The following PROM1 variants were observed in gnomAD, a reference collection of about 807,000 sequenced individuals.
PROM1 encodes the protein prominin 1, also known as prominin-1.
A neutral mutation model predicts 116.9 loss-of-function variants in PROM1; 105 were observed. The observed-to-expected ratio is 0.90, with a 90% CI of 0.77 to 1.06. PROM1 has a LOEUF of 1.06. Ranked by LOEUF, PROM1 falls within the 50% of genes least tolerant of loss-of-function variation. The pLI is 0.00. For synonymous variants in PROM1, 393 were observed against 387.0 expected (o/e 1.02, Z -0.18); for missense variants, 1,122 against 1,045.2 (o/e 1.07, Z -1.01).
rs60492380 is a variant in PROM1 at position 16,033,586 on chromosome 4, C to CT, written c.304-78dup. 43,030 of 268,446 alleles carry CT rather than the reference C, an allele frequency of 0.16. 1,450 individuals are homozygous for CT. Among genetic ancestry groups the CT allele is most frequent in the East Asian group, 0.19 (2,257 of 11,948 alleles). 16.6% of individuals were successfully genotyped at this position (268,446 alleles called of 1,614,324 possible). On this transcript the variant is annotated intron_variant, in intron 4 of 27. Coordinates refer to ENST00000447510, the MANE Select transcript of PROM1 (RefSeq NM_006017.3). Reference sequence around the variant, plus strand: ...AGAACATTCCATGGTGTACAAAGTTCTTTTTTTTTTTTTTTTTTTTTGAGA... The same window carrying CT: ...AGAACATTCCATGGTGTACAAAGTTCTTTTTTTTTTTTTTTTTTTTTTGAGA...
At chr4:16,055,318 T>C in intron 2 of PROM1, 1 of 452,636 alleles carries the variant, frequency 2.2e-6, no homozygotes, top group Non-Finnish European at 4.4e-6. Context: ...GAGGATCACT[T>C]GTGTGCTGAG....
intron 1 of PROM1, chr4:16,082,476 C>T (rs1464453405): frequency 6.6e-6 from 1 of 152,222 alleles, no homozygotes; most frequent in Non-Finnish European, 1.5e-5. Context: ...CCAGGAGCAA[C>T]CTGTTGCAGA....
At chr4:16,073,832 G>A (rs934709001) in intron 2 of PROM1, among the ~76,000 whole-genome samples, 4 of 151,792 alleles carry the variant, frequency 2.6e-5, no homozygotes, top group African/African-American at 9.7e-5. Flanking sequence ...AGACATCTTC[G>A]AACTTGATCA....
intron 14 of PROM1, among the ~76,000 whole-genome samples, chr4:15,999,672 C>T (rs1409771208): frequency 2.6e-5 from 4 of 152,080 alleles, no homozygotes; most frequent in African/African-American, 7.2e-5. Context: ...ATCAAAAGGC[C>T]AAATGGAGAT....
At chr4:16,073,798 G>T (rs1373980326) in intron 2 of PROM1, among the ~76,000 whole-genome samples, 1 of 152,070 alleles carries the variant, frequency 6.6e-6, no homozygotes, top group Non-Finnish European at 1.5e-5. Flanking sequence ...ACCTTGTAAT[G>T]CATTGGAAGT....
At chr4:15,974,084 GAC>G (rs144157028) in intron 26 of PROM1, among the ~76,000 whole-genome samples, 1 of 146,328 alleles carries the variant, frequency 6.8e-6, no homozygotes, top group African/African-American at 2.5e-5. Context: ...CACACATACA[GAC>G]ACACACACAC....
chr4:16,024,256 A>G lies in PROM1; in HGVS notation c.694+39T>C, dbSNP rs75683010. The G allele has an allele frequency of 1.5e-4, 236 of 1,573,178 alleles. 3 individuals are homozygous for G. The East Asian group carries it at 4.8e-3, about 32-fold the overall frequency. ...TGTTTTATGGGAGATGAGTCAAAAC[A>G]AAGAAAAAAAATGTGAAGCAACTTT... On this transcript the variant is annotated intron_variant, in intron 7 of 27. Coordinates refer to ENST00000447510, the MANE Select transcript of PROM1 (RefSeq NM_006017.3).
chr4:16,024,255 C>T (rs771226725), intron 7 of PROM1, 40 bp downstream of exon 7: 2 of 1,569,534 alleles, frequency 1.3e-6, no homozygotes, highest in African/African-American at 1.4e-5. Flanking sequence ...TGAGTCAAAA[C>T]AAAGAAAAAA....
chr4:15,997,523 G>A (rs1198716581), intron 15 of PROM1, among the ~76,000 whole-genome samples: 1 of 151,792 alleles, frequency 6.6e-6, no homozygotes, highest in Non-Finnish European at 1.5e-5. Context: ...GCAGTGGCAC[G>A]ATCTTGGCTC....
At chr4:16,082,908 G>T (rs564949087) in intron 1 of PROM1, among the ~76,000 whole-genome samples, 1 of 152,068 alleles carries the variant, frequency 6.6e-6, no homozygotes, top group East Asian at 2.0e-4. Context: ...TTTGTTGTCC[G>T]GTCGGCGTGT....
intron 26 of PROM1, among the ~76,000 whole-genome samples, chr4:15,973,101 C>T (rs1201837746): frequency 6.6e-6 from 1 of 152,146 alleles, no homozygotes; most frequent in African/African-American, 2.4e-5. Flanking sequence ...TGTAGCATTC[C>T]CCGGGATCCA....
At chr4:16,010,878 T>C (rs751936416) in intron 11 of PROM1, among the ~76,000 whole-genome samples, 3 of 152,098 alleles carry the variant, frequency 2.0e-5, no homozygotes, top group Non-Finnish European at 4.4e-5. Context: ...AGCAACAGAG[T>C]GTCAGGTGTT....
At chr4:16,030,816 A>C (rs2149369043) in intron 5 of PROM1, among the ~76,000 whole-genome samples, 1 of 152,212 alleles carries the variant, frequency 6.6e-6, no homozygotes, top group Admixed American at 6.5e-5. Context: ...GAGGTCGAGG[A>C]GGGCAGATCA....
At position 16,058,476 on chromosome 4, in the gene PROM1, C is replaced by G. The variant is rs1448024275; in HGVS notation, c.220+17211G>C. ...CAGCCTGGACAACATGGTAAAACCC[C>G]ATCTCTACAGAAATACAAAAATTAG... On this transcript the variant is annotated intron_variant, in intron 2 of 27. Coordinates refer to ENST00000447510, the MANE Select transcript of PROM1 (RefSeq NM_006017.3). Among the ~76,000 whole-genome samples the G allele has an allele frequency of 2.6e-5, 4 of 152,056 alleles. No individual in the cohort carries two copies. In the East Asian group the frequency reaches 7.8e-4, roughly 30 times the overall value.
chr4:15,998,875 G>T (rs989516586), intron 14 of PROM1, among the ~76,000 whole-genome samples: 2 of 151,976 alleles, frequency 1.3e-5, no homozygotes, highest in Non-Finnish European at 2.9e-5. Flanking sequence ...CCACTGCCTG[G>T]CTAGTTTTGT....
intron 9 of PROM1, among the ~76,000 whole-genome samples, chr4:16,016,465 T>TA (rs796498677): frequency 1.3e-3 from 191 of 151,820 alleles, no homozygotes; most frequent in African/African-American, 4.4e-3. Context: ...TGTAACCAGC[T>TA]AAAAAAAAGA....
At position 16,023,321 on chromosome 4, in the gene PROM1, C is replaced by T; in HGVS notation, c.784+5G>A. 6.3e-7 allele frequency: 1 copy of T among 1,593,164 alleles called. No homozygotes were observed. On this transcript the variant is annotated splice_donor_5th_base_variant and intron_variant, in intron 8 of 27. Coordinates refer to ENST00000447510, the MANE Select transcript of PROM1 (RefSeq NM_006017.3). The stretch of plus-strand genomic sequence containing the variant: ...TTTCTTTGGTCATTTTTGCCCACTG[C>T]TTACCTGTTGCCATGGACTTAATCT...
At chr4:16,013,399 C>T in intron 10 of PROM1, 61 bp from the exon 11 acceptor site, 1 of 1,255,922 alleles carries the variant, frequency 8.0e-7, no homozygotes, top group Non-Finnish European at 1.2e-6. Context: ...GTTGACTAGT[C>T]ACTCATTTTG....
chr4:16,011,901 C>T (rs1046811858), intron 11 of PROM1, among the ~76,000 whole-genome samples: 1 of 152,186 alleles, frequency 6.6e-6, no homozygotes, highest in African/African-American at 2.4e-5. Context: ...TTTAAAACCA[C>T]TTACTCAACA....
Sources: gnomAD v4.1 joint callset for allele counts (sites outside exome capture counted in the v4.1 genomes callset) on GRCh38, gnomAD v4.1.1 for gene constraint, MANE v1.5 for transcripts, NCBI Gene and HGNC (gene_info 2026-07-23, HGNC 2026-07-21) for gene names.